Variants in KDM2A observed in about 807,000 individuals in gnomAD.
KDM2A encodes lysine demethylase 2A, also known as lysine-specific demethylase 2A.
KDM2A carries 3 observed loss-of-function variants against 137.3 expected under a neutral mutation model. The ratio of observed to expected loss-of-function variants is 0.02; its 90% CI spans 0.01 to 0.06. The LOEUF (loss-of-function observed/expected upper bound fraction) is 0.06, where lower values mean the gene tolerates loss of function less well. Among genes scored for constraint, KDM2A ranks in the 10% least tolerant of loss-of-function variants. The pLI is 1.00. For synonymous variants in KDM2A, 512 were observed against 541.5 expected (o/e 0.95, Z 0.76); for missense variants, 738 against 1,510.6 (o/e 0.49, Z 8.48).
intron 2 of KDM2A, among the ~76,000 whole-genome samples, chr11:67,139,640 A>G (rs568541881): frequency 6.6e-6 from 1 of 151,946 alleles, no homozygotes; most frequent in South Asian, 2.1e-4. Flanking sequence ...CAGCCTCTCA[A>G]AGTACTAGTA....
At chr11:67,239,203 G>C (rs111586786) in intron 12 of KDM2A, among the ~76,000 whole-genome samples, 19 of 152,302 alleles carry the variant, frequency 1.2e-4, no homozygotes, top group African/African-American at 4.1e-4. Context: ...AGGCAGAGGA[G>C]ACTGCTGGAA....
At chr11:67,149,676 G>T (rs1426019246) in intron 2 of KDM2A, among the ~76,000 whole-genome samples, 1 of 149,462 alleles carries the variant, frequency 6.7e-6, no homozygotes, top group African/African-American at 2.5e-5. Flanking sequence ...GAATAGAAAA[G>T]ATAGTAATCT....
Position 67,121,115 on chromosome 11 carries a change from G to A in KDM2A, c.-83-119G>A, listed in dbSNP as rs1006745129. 71 of 577,338 alleles carry A rather than the reference G, an allele frequency of 1.2e-4. 3 individuals carry two copies. The South Asian group carries it at 1.5e-3, about 12-fold the overall frequency. 35.8% of individuals were successfully genotyped at this position (577,338 alleles called of 1,614,324 possible). A position where few individuals can be genotyped will look rare whatever the true frequency, so the allele number is the denominator to read the frequency against. On this transcript the variant is annotated intron_variant, in intron 1 of 20. Transcript: ENST00000529006. ...AAGAGCAGAAAGGTCCCAAACTCATGAAGAGGAACCTGATTTTTCAGAGAG... is the reference window on the plus strand; with the variant it reads ...AAGAGCAGAAAGGTCCCAAACTCATAAAGAGGAACCTGATTTTTCAGAGAG...
intron 2 of KDM2A, among the ~76,000 whole-genome samples, chr11:67,122,033 T>C (rs1855609065): frequency 1.3e-5 from 2 of 152,322 alleles, no homozygotes; most frequent in Admixed American, 1.3e-4. Context: ...GGTTTCCCTA[T>C]TGGAGTTTTA....
At position 67,255,823 on chromosome 11, in the gene KDM2A, G is replaced by A. The variant is rs1159903374; in HGVS notation, c.*768G>A. The A allele has an allele frequency of 3.6e-6, 1 of 280,870 alleles. No individual in the cohort carries two copies. Among genetic ancestry groups the A allele is most frequent in the Non-Finnish European group, 7.2e-6 (1 of 139,574 alleles). 17.4% of individuals were successfully genotyped at this position (280,870 alleles called of 1,614,324 possible). ...ACACACCCATTTCGTTGCTACCCAA[G>A]TGGATTCTGAGACAGGCACCATCTC... On this transcript the variant is annotated 3_prime_UTR_variant, in exon 21 of 21. Transcript: ENST00000529006.
At chr11:67,205,831 C>T (rs866754381) in intron 5 of KDM2A, among the ~76,000 whole-genome samples, 1 of 152,044 alleles carries the variant, frequency 6.6e-6, no homozygotes, top group African/African-American at 2.4e-5. Context: ...CCTTGACCAC[C>T]ATTTTCTGAA....
chr11:67,168,900 A>G (rs1042808519), intron 2 of KDM2A, among the ~76,000 whole-genome samples: 19 of 150,172 alleles, frequency 1.3e-4, no homozygotes, highest in African/African-American at 3.9e-4. Context: ...TATTAAGGCT[A>G]TGAAGTGGGG....
chr11:67,235,339 T>G (rs1213055644), intron 12 of KDM2A, among the ~76,000 whole-genome samples: 2 of 150,198 alleles, frequency 1.3e-5, no homozygotes, highest in Non-Finnish European at 3.0e-5. Context: ...AGTTTCACTG[T>G]TTTTGCCCAG....
intron 2 of KDM2A, among the ~76,000 whole-genome samples, chr11:67,160,346 T>C (rs900599223): frequency 6.6e-6 from 1 of 152,200 alleles, no homozygotes; most frequent in African/African-American, 2.4e-5. Flanking sequence ...GAAGAGATTA[T>C]AGCTTGAACC....
In KDM2A at chr11:67,253,631, T is replaced by G. The variant is rs1423532863; in HGVS notation, c.3091+20T>G. On this transcript the variant is annotated intron_variant, in intron 19 of 20. Coordinates refer to ENST00000529006, the MANE Select transcript of KDM2A (RefSeq NM_012308.3). ...AACCAGGTATGCTCTGGACCTGACTTCTCTGTGCTTGTCTTGGGGTAGCTT... is the reference window on the plus strand; with the variant it reads ...AACCAGGTATGCTCTGGACCTGACTGCTCTGTGCTTGTCTTGGGGTAGCTT... 2 of 1,611,800 alleles carry G rather than the reference T, an allele frequency of 1.2e-6. No homozygotes were observed. Among genetic ancestry groups the G allele is most frequent in the Non-Finnish European group, 1.7e-6 (2 of 1,178,352 alleles).
chr11:67,142,158 C>T (rs1305901304), intron 2 of KDM2A, among the ~76,000 whole-genome samples: 1 of 151,752 alleles, frequency 6.6e-6, no homozygotes, highest in Non-Finnish European at 1.5e-5. Flanking sequence ...CCTGGCTCAG[C>T]CTCCTGAGTA....
intron 10 of KDM2A, among the ~76,000 whole-genome samples, chr11:67,220,366 T>C (rs1043684340): frequency 6.6e-6 from 1 of 152,206 alleles, no homozygotes. Context: ...TCTTGAGCCA[T>C]GTGTTTCATT....
At chr11:67,182,565 C>G (rs1208535622) in intron 5 of KDM2A, among the ~76,000 whole-genome samples, 2 of 143,818 alleles carry the variant, frequency 1.4e-5, no homozygotes, top group African/African-American at 5.2e-5. Flanking sequence ...CGCAGTCTCC[C>G]TCTGTCGCCC....
chr11:67,178,186 G>A (rs1378968130), intron 2 of KDM2A, among the ~76,000 whole-genome samples: 1 of 151,980 alleles, frequency 6.6e-6, no homozygotes, highest in Non-Finnish European at 1.5e-5. Flanking sequence ...CGTGCAGATC[G>A]CTTGAGCACA....
chr11:67,148,676 C>T (rs975600594), intron 2 of KDM2A, among the ~76,000 whole-genome samples: 19 of 152,016 alleles, frequency 1.2e-4, no homozygotes, highest in Non-Finnish European at 1.9e-4. Context: ...TGGTGGGTGC[C>T]TGTAATCCCA....
At chr11:67,133,087 C>T (rs1416912943) in intron 2 of KDM2A, among the ~76,000 whole-genome samples, 1 of 151,968 alleles carries the variant, frequency 6.6e-6, no homozygotes, top group Non-Finnish European at 1.5e-5. Flanking sequence ...ACCAATTGTG[C>T]TTTTATTCGT....
intron 12 of KDM2A, among the ~76,000 whole-genome samples, chr11:67,235,706 C>T (rs1858852257): frequency 1.3e-5 from 2 of 151,964 alleles, no homozygotes; most frequent in African/African-American, 4.8e-5. Flanking sequence ...ACTGCAGCCT[C>T]CACCTCCTGG....
chr11:67,240,845 T>G (rs746545440), intron 12 of KDM2A, among the ~76,000 whole-genome samples: 2 of 152,062 alleles, frequency 1.3e-5, no homozygotes, highest in Non-Finnish European at 2.9e-5. Flanking sequence ...AAAATAAGGC[T>G]TGGAAGGAAA....
rs7949844 is a variant in KDM2A, at chr11:67,210,260, G to A, written c.486+2572G>A. 6.6e-3 allele frequency among the ~76,000 whole-genome samples: 999 copies of A among 151,792 alleles called. 12 individuals carry two copies. The highest frequency in any genetic ancestry group is 0.022 in the African/African-American group (927 of 41,366). ...CCATGTAGTCCCAGCTACTCAGGGG[G>A]TTGAGGCAGGAGGATTGCTTGAGCC... On this transcript the variant is annotated intron_variant, in intron 6 of 20. Coordinates refer to ENST00000529006, the MANE Select transcript of KDM2A (RefSeq NM_012308.3).
Sources: gnomAD v4.1 joint callset for allele counts (sites outside exome capture counted in the v4.1 genomes callset) on GRCh38, gnomAD v4.1.1 for gene constraint, MANE v1.5 for transcripts, NCBI Gene and HGNC (gene_info 2026-07-23, HGNC 2026-07-21) for gene names.